GPR161: variants seen among roughly 807,000 people sequenced by gnomAD.
GPR161 encodes G protein-coupled receptor 161.
Under a neutral mutation model 39.2 loss-of-function variants are expected in GPR161, and 25 were observed. The ratio of observed to expected loss-of-function variants is 0.64; its 90% CI spans 0.47 to 0.89. GPR161 has a LOEUF of 0.89. GPR161 is among the 40% of genes least tolerant of loss of function. The pLI, the probability that GPR161 is intolerant of heterozygous loss-of-function variation, is 0.00. For missense variants in GPR161, 547 were observed against 677.8 expected (o/e 0.81, Z 2.14); for synonymous variants, 286 against 276.6 (o/e 1.03, Z -0.34).
At chr1:168,132,264 C>T (rs2102267099) in intron 1 of GPR161, among the ~76,000 whole-genome samples, 1 of 150,710 alleles carries the variant, frequency 6.6e-6, no homozygotes, top group African/African-American at 2.4e-5. Context: ...GACTCTGTCT[C>T]ATAAAAATAA....
At chr1:168,093,935 TC>T (rs1284298437) in intron 3 of GPR161, among the ~76,000 whole-genome samples, 2 of 141,110 alleles carry the variant, frequency 1.4e-5, no homozygotes, top group African/African-American at 5.2e-5. Flanking sequence ...AGAAGAACCA[TC>T]CCCCACCCCC....
chr1:168,096,313 G>A (rs80330680), intron 3 of GPR161, among the ~76,000 whole-genome samples, 195 bp downstream of exon 3: 1,751 of 152,178 alleles, frequency 0.012, 41 homozygotes, highest in African/African-American at 0.039. Flanking sequence ...CAGCATGGCC[G>A]TGAGCTACTG....
chr1:168,126,788 T>C (rs1229540235), intron 1 of GPR161, among the ~76,000 whole-genome samples: 1 of 152,206 alleles, frequency 6.6e-6, no homozygotes, highest in African/African-American at 2.4e-5. Flanking sequence ...GAGGATGTTT[T>C]CCCTTCCAGA....
chr1:168,133,897 C>A, intron 1 of GPR161: 14 of 967,616 alleles, frequency 1.4e-5, no homozygotes, highest in Non-Finnish European at 1.7e-5. Flanking sequence ...GGCTTGGTGA[C>A]CATATTGAGC....
intron 1 of GPR161, among the ~76,000 whole-genome samples, chr1:168,118,410 C>G (rs907821564): frequency 6.7e-6 from 1 of 149,552 alleles, no homozygotes; most frequent in Non-Finnish European, 1.5e-5. Flanking sequence ...CACAGGGACA[C>G]AGAGTATAGA....
Position 168,096,623 on chromosome 1 carries a change from G to T in GPR161, c.984C>A (p.Asn328Lys). 6.2e-7 allele frequency: 1 copy of T among 1,614,212 alleles called. No individual in the cohort carries two copies. Among genetic ancestry groups the T allele is most frequent in the Non-Finnish European group, 8.5e-7 (1 of 1,180,036 alleles). The change falls in exon 3 of 6, where the codon AAC (asparagine) becomes AAA (lysine). Residue 328 changes from asparagine (N) to lysine (K), a missense_variant. Physicochemically the swap from Asn to Lys is moderately conservative, Grantham distance 94 (BLOSUM62 0). Coordinates refer to ENST00000682931, the MANE Select transcript of GPR161 (RefSeq NM_001375883.1). ...VCHPLIYGLW[N>K]KTVRKELLGM... ...CCAGTAGTTCTTTGCGAACTGTCTT[G>T]TTCCAGAGTCCATAGATCAGGGGGT... is the stretch of plus-strand genomic sequence containing the variant.
At chr1:168,131,367 A>G (rs1395859126) in intron 1 of GPR161, among the ~76,000 whole-genome samples, 5 of 152,166 alleles carry the variant, frequency 3.3e-5, no homozygotes, top group Non-Finnish European at 7.3e-5. Context: ...AATTGCTCAC[A>G]GTTCTCCAAA....
intron 3 of GPR161, among the ~76,000 whole-genome samples, chr1:168,093,014 T>C (rs1278137632): frequency 1.3e-5 from 2 of 152,138 alleles, no homozygotes; most frequent in Non-Finnish European, 2.9e-5. Flanking sequence ...GTGAAGGTTC[T>C]GGGTCGGCCA....
At chr1:168,101,799 C>G (rs1696129569) in intron 2 of GPR161, among the ~76,000 whole-genome samples, 1 of 152,104 alleles carries the variant, frequency 6.6e-6, no homozygotes. Context: ...CTTCTACTTT[C>G]TTTTTCTTTT....
At chr1:168,099,841 G>T (rs954676216) in intron 2 of GPR161, among the ~76,000 whole-genome samples, 1 of 146,146 alleles carries the variant, frequency 6.8e-6, no homozygotes, top group East Asian at 2.1e-4. Flanking sequence ...TTTTTTGGGG[G>T]GGGGGGGTTG....
At position 168,084,918 on chromosome 1, in the gene GPR161, T is replaced by A. The variant is rs890283841; in HGVS notation, c.*613A>T. The A allele has an allele frequency of 1.1e-5, 5 of 456,184 alleles. No individual in the cohort carries two copies. The highest frequency in any genetic ancestry group is 2.2e-5 in the Non-Finnish European group (5 of 226,978). The allele number at this position is 456,184 out of a possible 1,614,324, so 28.3% of individuals were successfully genotyped here. ...TGCAAGAGGCCTGTGGCTGTCCCTA[T>A]TAGCACCAGCAGGTGGCGCCACTGA... is the stretch of plus-strand genomic sequence containing the variant. On this transcript the variant is annotated 3_prime_UTR_variant, in exon 6 of 6. Transcript: ENST00000682931.
At chr1:168,127,323 A>T (rs1339117106) in intron 1 of GPR161, among the ~76,000 whole-genome samples, 2 of 152,026 alleles carry the variant, frequency 1.3e-5, no homozygotes, top group African/African-American at 4.8e-5. Context: ...TGTCTCTATT[A>T]AAAATACAAA....
upstream of GPR161, chr1:168,137,301 T>C: frequency 1.3e-6 from 2 of 1,529,592 alleles, no homozygotes; most frequent in Non-Finnish European, 1.7e-6. Flanking sequence ...ACACAGACAC[T>C]TTCAGATTCT....
intron 1 of GPR161, chr1:168,133,889 C>T (rs1699174257): frequency 6.2e-6 from 6 of 964,100 alleles, no homozygotes; most frequent in South Asian, 9.6e-5. Context: ...TGTTTCCAGG[C>T]TTGGTGACCA....
chr1:168,085,717 T>C lies in GPR161; in HGVS notation c.1404A>G (p.Lys468=), dbSNP rs763509138. 2 of 1,614,136 alleles carry C rather than the reference T, an allele frequency of 1.2e-6. No homozygotes were observed. Residue 468 remains lysine, a synonymous_variant, in exon 6 of 6, where the codon AAA becomes AAG. Transcript: ENST00000682931. ...TGATTTTGGCTTCGGCCTCAATGGC[T>C]TTGGCCAAGCTTGCTGCGTAACTGT... ...SLDSYAASLA[K]AIEAEAKINL...
upstream of GPR161, chr1:168,136,948 G>GGGGCCCCCCCC: frequency 1.1e-6 from 1 of 910,998 alleles, no homozygotes; most frequent in Non-Finnish European, 1.3e-6. Flanking sequence ...CGGCGCCCGC[G>GGGGCCCCCCCC]CCCCGCCCCG....
chr1:168,130,194 C>G (rs140197834), intron 1 of GPR161, among the ~76,000 whole-genome samples: 1 of 152,186 alleles, frequency 6.6e-6, no homozygotes, highest in African/African-American at 2.4e-5. Flanking sequence ...TCGGCCTCCT[C>G]GATATCTCTT....
At position 168,082,343 on chromosome 1, in the gene GPR161, A is replaced by G. The variant is rs1694135444; in HGVS notation, c.*3188T>C. On this transcript the variant is annotated 3_prime_UTR_variant, in exon 6 of 6. Coordinates refer to ENST00000682931, the MANE Select transcript of GPR161 (RefSeq NM_001375883.1). ...TCACCAAGGCCGTGGACTACACGAT[A>G]AGGGCAAAGGAATTCAAAACAAGAG... 6.6e-6 allele frequency: 1 copy of G among 152,228 alleles called. No individual in the cohort carries two copies. The highest frequency in any genetic ancestry group is 2.4e-5 in the African/African-American group (1 of 41,462). The allele number at this position is 152,228 out of a possible 1,614,324, so 9.4% of individuals were successfully genotyped here.
intron 1 of GPR161, among the ~76,000 whole-genome samples, chr1:168,119,252 A>ATATG (rs1322870740): frequency 2.5e-5 from 3 of 119,942 alleles, no homozygotes; most frequent in African/African-American, 1.1e-4. Context: ...ACACATATAT[A>ATATG]TATACGTATA....
Sources: gnomAD v4.1 joint callset for allele counts (sites outside exome capture counted in the v4.1 genomes callset) on GRCh38, gnomAD v4.1.1 for gene constraint, MANE v1.5 for transcripts, NCBI Gene and HGNC (gene_info 2026-07-23, HGNC 2026-07-21) for gene names.